The following HM13 variants were observed in gnomAD, a reference collection of about 807,000 sequenced individuals.
HM13 encodes the protein signal peptide peptidase.
In HM13, 18 loss-of-function variants were observed where a neutral mutation model predicts 50.0. That is an observed-to-expected ratio of 0.36 (90% confidence interval 0.25 to 0.53). The LOEUF (loss-of-function observed/expected upper bound fraction) is 0.53, where lower values mean the gene tolerates loss of function less well. Among genes scored for constraint, HM13 ranks in the 20% least tolerant of loss-of-function variants. The pLI is 0.90. For missense variants in HM13, 393 were observed against 552.4 expected, an observed-to-expected ratio of 0.71 and a Z score of 2.89; for synonymous variants, 197 against 232.6, an observed-to-expected ratio of 0.85 and a Z score of 1.39.
chr20:31,551,453 T>C (rs1984030048), intron 7 of HM13, among the ~76,000 whole-genome samples: 1 of 152,228 alleles, frequency 6.6e-6, no homozygotes, highest in Non-Finnish European at 1.5e-5. Flanking sequence ...GGATGGTTTT[T>C]CCCAAGTCTC....
intron 2 of HM13, among the ~76,000 whole-genome samples, chr20:31,532,228 C>T (rs541313546): frequency 1.3e-5 from 2 of 152,084 alleles, no homozygotes; most frequent in East Asian, 3.9e-4. Context: ...AGATCGAGAC[C>T]ATCCTGGCCA....
At chr20:31,548,771 C>T (rs537714772) in intron 4 of HM13, 1 of 521,304 alleles carries the variant, frequency 1.9e-6, no homozygotes, top group African/African-American at 1.9e-5. Context: ...AAGACCACTT[C>T]CCGCTGACAC....
intron 3 of HM13, chr20:31,541,550 G>A (rs1421630086): frequency 1.3e-5 from 2 of 151,758 alleles, no homozygotes; most frequent in African/African-American, 2.4e-5. Flanking sequence ...TACCATATGG[G>A]GTTAAAGCTG....
chr20:31,543,319 T>A (rs959107346), intron 3 of HM13, among the ~76,000 whole-genome samples: 2 of 152,194 alleles, frequency 1.3e-5, no homozygotes, highest in African/African-American at 2.4e-5. Flanking sequence ...GGAGTCTCGC[T>A]GTGTCGCCCA....
rs138211039 is a variant in HM13 at position 31,549,087 on chromosome 20, C to T, written c.513C>T (p.Ile171=). The part of the protein sequence containing the change: ...KDLVCLGLSS[I]VGVWYLLRKH... ...TGGTGTGCCTGGGCCTGAGCAGCAT[C>T]GTTGGCGTCTGGTACCTGCTGAGGA... The change falls in exon 5 of 13, where the codon ATC becomes ATT. Residue 171 remains isoleucine, a synonymous_variant. Coordinates refer to ENST00000398174, the MANE Select transcript of HM13 (RefSeq NM_178581.3). 5.8e-5 allele frequency: 94 copies of T among 1,613,910 alleles called. No individual in the cohort carries two copies. Among genetic ancestry groups the T allele is most frequent in the Middle Eastern group, 3.3e-4 (2 of 6,082 alleles).
intron 4 of HM13, among the ~76,000 whole-genome samples, chr20:31,546,126 T>G (rs2122613630): frequency 6.8e-6 from 1 of 147,632 alleles, no homozygotes; most frequent in East Asian, 2.0e-4. Flanking sequence ...CTTGGCTCAC[T>G]GCAAGCTCCA....
intron 2 of HM13, among the ~76,000 whole-genome samples, chr20:31,536,970 C>G (rs1463028961): frequency 6.6e-6 from 1 of 152,372 alleles, no homozygotes; most frequent in South Asian, 2.1e-4. Context: ...TTGCCTGATT[C>G]CTTGCTGAAT....
chr20:31,519,843 C>CT (rs35626235), intron 1 of HM13, among the ~76,000 whole-genome samples: 25,122 of 125,562 alleles, frequency 0.2, 2,808 homozygotes, highest in Middle Eastern at 0.34. Context: ...GCTATGCACA[C>CT]TTTTTTTTTT....
chr20:31,547,121 A>T (rs747502549), intron 4 of HM13, among the ~76,000 whole-genome samples: 2 of 152,158 alleles, frequency 1.3e-5, no homozygotes, highest in Non-Finnish European at 2.9e-5. Context: ...AAGCTGGAAA[A>T]TGGCCGTGAG....
At chr20:31,566,826 G>A (rs529868257) in intron 11 of HM13, among the ~76,000 whole-genome samples, 1 of 151,746 alleles carries the variant, frequency 6.6e-6, no homozygotes, top group Non-Finnish European at 1.5e-5. Flanking sequence ...CTTCCCCAGG[G>A]CCATATCCAC....
At chr20:31,531,020 T>C (rs1982782512) in intron 2 of HM13, among the ~76,000 whole-genome samples, 1 of 152,190 alleles carries the variant, frequency 6.6e-6, no homozygotes, top group African/African-American at 2.4e-5. Flanking sequence ...TTTTTAGTTT[T>C]TTCCAGTCTG....
At chr20:31,536,322 C>T (rs1983103308) in intron 2 of HM13, among the ~76,000 whole-genome samples, 1 of 152,148 alleles carries the variant, frequency 6.6e-6, no homozygotes, top group African/African-American at 2.4e-5. Context: ...AAGATCGCAC[C>T]ATTGCCCTCC....
At chr20:31,534,494 A>C (rs946236647) in intron 2 of HM13, among the ~76,000 whole-genome samples, 5 of 152,166 alleles carry the variant, frequency 3.3e-5, no homozygotes, top group African/African-American at 9.6e-5. Context: ...TAGAAGAAGA[A>C]GACCAGAGGC....
At chr20:31,543,790 C>T (rs901792790) in intron 3 of HM13, among the ~76,000 whole-genome samples, 1 of 151,842 alleles carries the variant, frequency 6.6e-6, no homozygotes, top group Non-Finnish European at 1.5e-5. Flanking sequence ...AAAAATTAGT[C>T]GGGCATGGTG....
At chr20:31,544,052 A>T (rs1983589087) in intron 3 of HM13, among the ~76,000 whole-genome samples, 1 of 152,142 alleles carries the variant, frequency 6.6e-6, no homozygotes, top group South Asian at 2.1e-4. Context: ...GCCTTCTTTC[A>T]TATCTTCATA....
At chr20:31,555,975 G>A (rs1031753151) in intron 8 of HM13, among the ~76,000 whole-genome samples, 2 of 151,620 alleles carry the variant, frequency 1.3e-5, no homozygotes, top group African/African-American at 4.9e-5. Context: ...GTCTCTTAAA[G>A]AAGGAGGTCT....
intron 10 of HM13, chr20:31,565,995 A>C: frequency 2.3e-6 from 1 of 434,758 alleles, no homozygotes; most frequent in Non-Finnish European, 4.1e-6. Flanking sequence ...AGCCCTGCCT[A>C]CTTGAGTTTC....
At chr20:31,529,116 A>ATTTTG (rs1982662230) in intron 2 of HM13, among the ~76,000 whole-genome samples, 1 of 151,776 alleles carries the variant, frequency 6.6e-6, no homozygotes, top group Non-Finnish European at 1.5e-5. Flanking sequence ...AAACCGACTG[A>ATTTTG]TTTTGTTTTA....
intron 4 of HM13, chr20:31,548,277 G>A (rs905482501): frequency 4.3e-5 from 20 of 460,146 alleles, no homozygotes; most frequent in Non-Finnish European, 8.0e-5. Flanking sequence ...TGAAAGGAGT[G>A]TCTGGACTCT....
Sources: gnomAD v4.1 joint callset for allele counts (sites outside exome capture counted in the v4.1 genomes callset) on GRCh38, gnomAD v4.1.1 for gene constraint, MANE v1.5 for transcripts, NCBI Gene and HGNC (gene_info 2026-07-23, HGNC 2026-07-21) for gene names.